CSMD1: variants seen among roughly 807,000 people sequenced by gnomAD.
CSMD1 encodes the protein CUB and Sushi multiple domains 1.
CSMD1 carries 213 observed loss-of-function variants against 417.5 expected under a neutral mutation model. The observed-to-expected ratio is 0.51, with a 90% CI of 0.46 to 0.57. The LOEUF is 0.57. Ranked by LOEUF, CSMD1 falls within the 20% of genes least tolerant of loss-of-function variation. The pLI is 0.00. For synonymous variants in CSMD1, 2,862 were observed against 1,736.8 expected, an observed-to-expected ratio of 1.65 and a Z score of -16.11; for missense variants, 6,923 against 4,529.7, an observed-to-expected ratio of 1.53 and a Z score of -15.17.
intron 25 of CSMD1, among the ~76,000 whole-genome samples, chr8:3,288,387 C>T (rs1256924062): frequency 1.4e-5 from 2 of 146,998 alleles, no homozygotes; most frequent in African/African-American, 5.4e-5. Context: ...CCAGCTCCTC[C>T]TTGTACCTCT....
At chr8:3,856,956 G>A (rs1023729855) in intron 5 of CSMD1, among the ~76,000 whole-genome samples, 1 of 151,826 alleles carries the variant, frequency 6.6e-6, no homozygotes, top group Admixed American at 6.6e-5. Flanking sequence ...CAGGTACAAA[G>A]AATCAAGTAG....
intron 3 of CSMD1, among the ~76,000 whole-genome samples, chr8:4,186,573 G>A (rs556239090): frequency 2.0e-5 from 3 of 152,098 alleles, no homozygotes; most frequent in Non-Finnish European, 4.4e-5. Flanking sequence ...TAATAGGAAG[G>A]GTCTCAGCAT....
intron 3 of CSMD1, among the ~76,000 whole-genome samples, chr8:4,050,031 C>T (rs1381064338): frequency 6.6e-6 from 1 of 152,138 alleles, no homozygotes; most frequent in African/African-American, 2.4e-5. Flanking sequence ...AAGTTGCGGC[C>T]AGATATTCTG....
intron 2 of CSMD1, among the ~76,000 whole-genome samples, chr8:4,553,344 A>G (rs1797951901): frequency 6.6e-6 from 1 of 152,090 alleles, no homozygotes; most frequent in Non-Finnish European, 1.5e-5. Flanking sequence ...ATTTTCATTA[A>G]TTACTCCTGA....
At chr8:2,982,724 C>G (rs902939952) in intron 54 of CSMD1, among the ~76,000 whole-genome samples, 2 of 152,204 alleles carry the variant, frequency 1.3e-5, no homozygotes. Flanking sequence ...TTCTTGGGGA[C>G]AGGAAGCAAG....
At chr8:3,408,405 C>T (rs367990733) in intron 13 of CSMD1, among the ~76,000 whole-genome samples, 180 bp from the exon 14 acceptor site, 26 of 152,164 alleles carry the variant, frequency 1.7e-4, no homozygotes, top group South Asian at 1.7e-3. Flanking sequence ...ATTTGTAAGT[C>T]GAATATTTCA....
At chr8:4,305,457 G>C (rs935741104) in intron 3 of CSMD1, among the ~76,000 whole-genome samples, 1 of 152,170 alleles carries the variant, frequency 6.6e-6, no homozygotes, top group Non-Finnish European at 1.5e-5. Flanking sequence ...CCACTGAGCA[G>C]CTGGAATCAC....
At chr8:3,227,159 G>C (rs1223804990) in intron 27 of CSMD1, among the ~76,000 whole-genome samples, 3 of 152,120 alleles carry the variant, frequency 2.0e-5, no homozygotes, top group African/African-American at 7.2e-5. Context: ...CCAGCACTTT[G>C]GGAGTCTGAG....
intron 10 of CSMD1, among the ~76,000 whole-genome samples, chr8:3,557,430 C>G (rs887241363): frequency 1.3e-5 from 2 of 152,244 alleles, no homozygotes; most frequent in Non-Finnish European, 2.9e-5. Context: ...ACGCTGTGCA[C>G]AAGACTGGAA....
At chr8:3,822,298 G>A (rs1359838099) in intron 5 of CSMD1, among the ~76,000 whole-genome samples, 1 of 152,038 alleles carries the variant, frequency 6.6e-6, no homozygotes, top group Non-Finnish European at 1.5e-5. Flanking sequence ...TTGTGTCTAG[G>A]GGGAAGAACA....
chr8:3,807,150 G>C (rs1800787951), intron 5 of CSMD1, among the ~76,000 whole-genome samples: 1 of 152,104 alleles, frequency 6.6e-6, no homozygotes. Flanking sequence ...GTTTAACCTT[G>C]ATCCACAGCC....
chr8:4,905,660 C>A (rs552269418), intron 1 of CSMD1, among the ~76,000 whole-genome samples: 70 of 150,306 alleles, frequency 4.7e-4, no homozygotes, highest in East Asian at 7.9e-4. Context: ...TCTACTAAAA[C>A]TACAAAAAAA....
intron 5 of CSMD1, among the ~76,000 whole-genome samples, chr8:3,784,335 A>G (rs965235641): frequency 3.3e-4 from 51 of 152,362 alleles, no homozygotes; most frequent in African/African-American, 1.2e-3. Context: ...TTCTAAAATT[A>G]AAAGTTGTTC....
intron 68 of CSMD1, among the ~76,000 whole-genome samples, chr8:2,944,411 T>C (rs1294938806): frequency 6.6e-6 from 1 of 152,148 alleles, no homozygotes; most frequent in East Asian, 1.9e-4. Flanking sequence ...CAAGGGGTGG[T>C]GCTGTCCAAC....
At chr8:3,247,118 A>T (rs569258051) in intron 26 of CSMD1, among the ~76,000 whole-genome samples, 1 of 152,314 alleles carries the variant, frequency 6.6e-6, no homozygotes, top group East Asian at 1.9e-4. Flanking sequence ...GTGAGGTGTC[A>T]GGTGTGATGT....
At chr8:4,381,767 G>T (rs903625924) in intron 3 of CSMD1, among the ~76,000 whole-genome samples, 6 of 151,956 alleles carry the variant, frequency 3.9e-5, no homozygotes, top group African/African-American at 1.5e-4. Context: ...TTTTGTTTTT[G>T]TTTTTTTCCT....
chr8:3,778,612 T>C (rs1799017762), intron 5 of CSMD1, among the ~76,000 whole-genome samples: 1 of 152,204 alleles, frequency 6.6e-6, no homozygotes, highest in Non-Finnish European at 1.5e-5. Flanking sequence ...CTCCTGTCTC[T>C]GTTCTGCACC....
At chr8:4,732,219 T>G (rs1809928936) in intron 1 of CSMD1, among the ~76,000 whole-genome samples, 6 of 152,114 alleles carry the variant, frequency 3.9e-5, no homozygotes, top group Admixed American at 3.9e-4. Context: ...TCAGACCCCA[T>G]GGGTAGAACT....
chr8:4,243,832 A>G (rs1044775182), intron 3 of CSMD1, among the ~76,000 whole-genome samples: 6 of 152,208 alleles, frequency 3.9e-5, no homozygotes, highest in African/African-American at 7.2e-5. Context: ...ACAAAGATGT[A>G]TAAGAAAACA....
Sources: gnomAD v4.1 joint callset for allele counts (sites outside exome capture counted in the v4.1 genomes callset) on GRCh38, gnomAD v4.1.1 for gene constraint, MANE v1.5 for transcripts, NCBI Gene and HGNC (gene_info 2026-07-23, HGNC 2026-07-21) for gene names.